The following PEAK1 variants were observed in gnomAD, a reference collection of about 807,000 sequenced individuals.
The protein encoded by PEAK1 is pseudopodium enriched atypical kinase 1.
PEAK1 carries 54 observed loss-of-function variants against 124.7 expected under a neutral mutation model. The ratio of observed to expected loss-of-function variants is 0.43; its 90% CI spans 0.35 to 0.54. PEAK1 has a LOEUF of 0.54. Among genes scored for constraint, PEAK1 ranks in the 20% least tolerant of loss-of-function variants. The probability of loss-of-function intolerance (pLI) is 0.01; values close to 1 mark genes in which losing one functional copy is unlikely to be tolerated. For synonymous variants in PEAK1, 719 were observed against 760.0 expected (o/e 0.95, Z 0.89); for missense variants, 2,046 against 2,134.5 (o/e 0.96, Z 0.82).
At chr15:77,149,686 C>A (rs983049036) in intron 8 of PEAK1, among the ~76,000 whole-genome samples, 2 of 152,084 alleles carry the variant, frequency 1.3e-5, no homozygotes, top group African/African-American at 4.8e-5. Flanking sequence ...ATGTATTATA[C>A]CCTACAGAGT....
At chr15:77,168,577 C>A (rs2056291087) in intron 7 of PEAK1, among the ~76,000 whole-genome samples, 1 of 152,120 alleles carries the variant, frequency 6.6e-6, no homozygotes, top group Non-Finnish European at 1.5e-5. Flanking sequence ...TGGATCTGGC[C>A]CATCGGCCAT....
chr15:77,326,640 A>G (rs1367819908), intron 2 of PEAK1, among the ~76,000 whole-genome samples: 1 of 152,134 alleles, frequency 6.6e-6, no homozygotes, highest in Non-Finnish European at 1.5e-5. Context: ...AATAATTCTT[A>G]GCTCTTAGAT....
rs2073011263 is a variant in PEAK1, at chr15:77,417,817, T to C, written c.-666+2189A>G. The stretch of plus-strand genomic sequence containing the variant: ...GGAACAATTTAGAAGAGTTATTATA[T>C]GAAATGTGCCAAAGCATGAATTTAT... On this transcript the variant is annotated intron_variant, in intron 1 of 9. Transcript: ENST00000682557. 5.1e-6 allele frequency: 5 copies of C among 985,444 alleles called. No homozygotes were observed. In the African/African-American group the frequency reaches 5.2e-5, roughly 10 times the overall value. The allele number at this position is 985,444 out of a possible 1,614,324, so 61.0% of individuals were successfully genotyped here.
chr15:77,310,584 T>C (rs184599898), intron 2 of PEAK1, among the ~76,000 whole-genome samples: 191 of 152,314 alleles, frequency 1.3e-3, no homozygotes, highest in Middle Eastern at 3.4e-3. Flanking sequence ...AATGACCAGT[T>C]GCATACAAGT....
At chr15:77,396,375 C>T (rs141360055) in intron 1 of PEAK1, among the ~76,000 whole-genome samples, 4 of 151,796 alleles carry the variant, frequency 2.6e-5, no homozygotes, top group Admixed American at 2.6e-4. Flanking sequence ...CACAAAACAA[C>T]CAGGAAACAA....
At chr15:77,233,924 G>A (rs888870130) in intron 6 of PEAK1, among the ~76,000 whole-genome samples, 5 of 152,144 alleles carry the variant, frequency 3.3e-5, no homozygotes, top group African/African-American at 1.2e-4. Flanking sequence ...GAAGTGCAGT[G>A]GCATGATCAT....
At chr15:77,417,467 G>GGGGGT in intron 1 of PEAK1, 2 of 774,326 alleles carry the variant, frequency 2.6e-6, no homozygotes, top group Non-Finnish European at 3.1e-6. Context: ...GGCGGGGGGG[G>GGGGGT]AGGGGGGCAA....
intron 6 of PEAK1, among the ~76,000 whole-genome samples, chr15:77,219,600 G>A (rs940457037): frequency 6.6e-6 from 1 of 151,920 alleles, no homozygotes; most frequent in African/African-American, 2.4e-5. Context: ...AGAGTGTAAC[G>A]CTGCCATAAT....
chr15:77,365,741 TAAAAAAAAAAAA>T (rs71145816), intron 1 of PEAK1, among the ~76,000 whole-genome samples: 1 of 80,832 alleles, frequency 1.2e-5, no homozygotes, highest in Non-Finnish European at 2.3e-5. Context: ...CTCCATCTCA[TAAAAAAAAAAAA>T]AAAAAAAAAA....
downstream of PEAK1, chr15:77,105,210 G>A (rs1230885250): frequency 6.6e-6 from 1 of 152,226 alleles, no homozygotes; most frequent in African/African-American, 2.4e-5. Flanking sequence ...TTCTCTAGAG[G>A]ACCCTGGTCC....
At chr15:77,243,170 T>C (rs927888651) in intron 6 of PEAK1, among the ~76,000 whole-genome samples, 21 of 152,216 alleles carry the variant, frequency 1.4e-4, no homozygotes, top group African/African-American at 4.8e-4. Flanking sequence ...TTTTAAAACA[T>C]GGCAGCCAGT....
At chr15:77,414,713 T>C (rs1298632472) in intron 1 of PEAK1, among the ~76,000 whole-genome samples, 1 of 152,234 alleles carries the variant, frequency 6.6e-6, no homozygotes, top group Non-Finnish European at 1.5e-5. Context: ...GTTGAGTTAG[T>C]GTTAGGATCA....
intron 2 of PEAK1, among the ~76,000 whole-genome samples, chr15:77,299,215 T>C (rs2063665287): frequency 6.6e-6 from 1 of 152,222 alleles, no homozygotes; most frequent in African/African-American, 2.4e-5. Context: ...TCTGGAGATA[T>C]TTCATTGATC....
chr15:77,336,150 G>A (rs2066184263), intron 2 of PEAK1: 1 of 985,424 alleles, frequency 1.0e-6, no homozygotes, highest in Non-Finnish European at 1.2e-6. Context: ...AAAGACAGAT[G>A]AGCACAAGAC....
At chr15:77,157,987 G>C (rs934579653) in intron 8 of PEAK1, 1 of 153,400 alleles carries the variant, frequency 6.5e-6, no homozygotes, top group African/African-American at 2.4e-5. Flanking sequence ...TGAAATGCAT[G>C]ACACTGGCTA....
chr15:77,348,434 T>C, intron 2 of PEAK1: 1 of 936,010 alleles, frequency 1.1e-6, no homozygotes, highest in Non-Finnish European at 1.3e-6. Context: ...CAGCTGATTT[T>C]TTAAAAAGAA....
Position 77,179,279 on chromosome 15 carries a change from C to T in PEAK1, c.2648G>A (p.Gly883Asp), listed in dbSNP as rs2057085663. The change falls in exon 7 of 10, where the codon GGT (glycine) becomes GAT (aspartate). Residue 883 changes from glycine to aspartate, a missense_variant. Physicochemically the swap from Gly to Asp is moderately conservative, Grantham distance 94. Transcript: ENST00000682557. ...GGTGAAATGCCTCTGCAAAAGGTTACCTGCATGGTAAGGAGAAGAAGTAGA... is the reference window on the plus strand; with the variant it reads ...GGTGAAATGCCTCTGCAAAAGGTTATCTGCATGGTAAGGAGAAGAAGTAGA... Reference protein sequence around the residue: ...PRSTSSPYHAGNLLQRHFTNW... With the variant: ...PRSTSSPYHADNLLQRHFTNW... 6.2e-7 allele frequency: 1 copy of T among 1,614,030 alleles called. No homozygotes were observed. Among genetic ancestry groups the T allele is most frequent in the Non-Finnish European group, 8.5e-7 (1 of 1,180,022 alleles).
chr15:77,146,925 T>C (rs1459926995), intron 8 of PEAK1, among the ~76,000 whole-genome samples: 6 of 152,206 alleles, frequency 3.9e-5, no homozygotes, highest in African/African-American at 1.4e-4. Context: ...TTTAAGTATA[T>C]CCACCCCGTA....
At chr15:77,343,945 T>C (rs966449559) in intron 2 of PEAK1, among the ~76,000 whole-genome samples, 6 of 152,192 alleles carry the variant, frequency 3.9e-5, no homozygotes, top group African/African-American at 1.2e-4. Flanking sequence ...TGGAATAAGG[T>C]AGGACTCCAA....
Sources: gnomAD v4.1 joint callset for allele counts (sites outside exome capture counted in the v4.1 genomes callset) on GRCh38, gnomAD v4.1.1 for gene constraint, MANE v1.5 for transcripts, NCBI Gene and HGNC (gene_info 2026-07-23, HGNC 2026-07-21) for gene names.